CTNNBL1: variants seen among roughly 807,000 people sequenced by gnomAD.
CTNNBL1 encodes the protein catenin beta like 1, also known as beta-catenin-like protein 1.
A neutral mutation model predicts 72.7 loss-of-function variants in CTNNBL1; 31 were observed. The observed-to-expected ratio is 0.43, with a 90% confidence interval of 0.32 to 0.58. CTNNBL1 has a LOEUF of 0.58. Among genes scored for constraint, CTNNBL1 ranks in the 20% least tolerant of loss-of-function variants. The probability of loss-of-function intolerance (pLI) is 0.08; values close to 1 mark genes in which losing one functional copy is unlikely to be tolerated. For missense variants in CTNNBL1, 534 were observed against 725.1 expected, an observed-to-expected ratio of 0.74 and a Z score of 3.03; for synonymous variants, 240 against 267.3, an observed-to-expected ratio of 0.90 and a Z score of 1.00.
At chr20:37,695,247 G>A (rs1470547045) in intron 1 of CTNNBL1, among the ~76,000 whole-genome samples, 3 of 151,982 alleles carry the variant, frequency 2.0e-5, no homozygotes, top group East Asian at 3.9e-4. Context: ...TTGCTCTGTC[G>A]CCCATGCTGG....
intron 3 of CTNNBL1, among the ~76,000 whole-genome samples, chr20:37,742,848 G>T (rs905606821): frequency 2.0e-5 from 3 of 152,120 alleles, no homozygotes; most frequent in African/African-American, 7.2e-5. Context: ...GCATTGCCGA[G>T]GCTGGAGTGC....
At chr20:37,785,387 A>G (rs2073663582) in intron 10 of CTNNBL1, among the ~76,000 whole-genome samples, 1 of 152,226 alleles carries the variant, frequency 6.6e-6, no homozygotes, top group South Asian at 2.1e-4. Context: ...CTTTAAGGCC[A>G]GTAACTATTT....
chr20:37,713,455 T>C (rs563521275), intron 1 of CTNNBL1, among the ~76,000 whole-genome samples: 10 of 152,234 alleles, frequency 6.6e-5, no homozygotes, highest in Non-Finnish European at 1.3e-4. Context: ...GGAAGTCTTA[T>C]TTTAATTAAA....
intron 11 of CTNNBL1, among the ~76,000 whole-genome samples, chr20:37,831,208 C>T (rs1313381947): frequency 6.6e-6 from 1 of 152,176 alleles, no homozygotes; most frequent in African/African-American, 2.4e-5. Context: ...TCAGTTCTGA[C>T]CTCTTAACTT....
chr20:37,741,607 A>T (rs1364946890), intron 3 of CTNNBL1, among the ~76,000 whole-genome samples: 1 of 152,222 alleles, frequency 6.6e-6, no homozygotes, highest in Non-Finnish European at 1.5e-5. Context: ...GAGGCCAGAA[A>T]CTGGGATTAT....
At chr20:37,716,840 C>A (rs917679237) in intron 1 of CTNNBL1, among the ~76,000 whole-genome samples, 1 of 152,226 alleles carries the variant, frequency 6.6e-6, no homozygotes, top group African/African-American at 2.4e-5. Flanking sequence ...GAAAGTTCCA[C>A]GTGCATTCTA....
chr20:37,787,390 G>C (rs1162013011), intron 10 of CTNNBL1, among the ~76,000 whole-genome samples: 1 of 146,806 alleles, frequency 6.8e-6, no homozygotes, highest in Non-Finnish European at 1.5e-5. Context: ...TGTCGCCCAG[G>C]CTGGAGTGCA....
intron 3 of CTNNBL1, among the ~76,000 whole-genome samples, chr20:37,742,868 A>C (rs2073229905): frequency 6.6e-6 from 1 of 152,286 alleles, no homozygotes; most frequent in East Asian, 1.9e-4. Context: ...CAGTGGCACG[A>C]TCTTAGCTCA....
rs559708149 is a variant in CTNNBL1, at chr20:37,753,821, A to G, written c.467-3738A>G. 3.2e-4 allele frequency among the ~76,000 whole-genome samples: 49 copies of G among 152,360 alleles called. No individual in the cohort carries two copies. In the South Asian group the frequency reaches 9.7e-3, roughly 30 times the overall value. On this transcript the variant is annotated intron_variant, in intron 4 of 15. Coordinates refer to ENST00000361383, the MANE Select transcript of CTNNBL1 (RefSeq NM_030877.5). ...ATTACCCTAGTTTTACAGATGAGGA[A>G]ATTAAGCTGTAGGGAAATAAAGGAG...
chr20:37,853,903 A>G (rs1047433967), intron 13 of CTNNBL1, among the ~76,000 whole-genome samples: 2 of 152,258 alleles, frequency 1.3e-5, no homozygotes, highest in Non-Finnish European at 2.9e-5. Context: ...ACAACAGTCA[A>G]CTTCACTGCA....
At chr20:37,734,030 A>G (rs763145061) in intron 2 of CTNNBL1, among the ~76,000 whole-genome samples, 15 of 152,316 alleles carry the variant, frequency 9.8e-5, no homozygotes, top group East Asian at 1.9e-4. Context: ...TTAAGTGTTA[A>G]CTTGTGTGTT....
chr20:37,783,431 A>C (rs1017906437), intron 10 of CTNNBL1, among the ~76,000 whole-genome samples: 1 of 151,652 alleles, frequency 6.6e-6, no homozygotes, highest in Non-Finnish European at 1.5e-5. Flanking sequence ...TTACTTTTCT[A>C]ATTCTTTAAG....
chr20:37,789,818 T>C (rs1351359817), intron 10 of CTNNBL1, among the ~76,000 whole-genome samples: 1 of 152,252 alleles, frequency 6.6e-6, no homozygotes, highest in African/African-American at 2.4e-5. Flanking sequence ...AAAAGAATTA[T>C]ATTGTCAGTT....
intron 13 of CTNNBL1, 151 bp from the exon 14 acceptor site, chr20:37,859,748 G>A: frequency 1.4e-6 from 1 of 709,374 alleles, no homozygotes. Flanking sequence ...ATACTTTAAA[G>A]GGAGATGTAG....
intron 1 of CTNNBL1, among the ~76,000 whole-genome samples, chr20:37,708,208 G>A (rs1003230306): frequency 1.3e-5 from 2 of 151,062 alleles, no homozygotes; most frequent in Non-Finnish European, 2.9e-5. Context: ...TTTTTTGGAG[G>A]TAGAGTCTGG....
intron 11 of CTNNBL1, chr20:37,832,115 T>G (rs889395129): frequency 6.6e-6 from 1 of 152,242 alleles, no homozygotes; most frequent in Non-Finnish European, 1.5e-5. Context: ...TTATTTTAAT[T>G]TATTGTGGGA....
chr20:37,826,286 A>G (rs1244089545), intron 11 of CTNNBL1, among the ~76,000 whole-genome samples: 1 of 152,240 alleles, frequency 6.6e-6, no homozygotes, highest in Non-Finnish European at 1.5e-5. Context: ...TTTAAAATCC[A>G]TAATGCGCTG....
At chr20:37,863,289 A>G (rs2122867863) in intron 15 of CTNNBL1, among the ~76,000 whole-genome samples, 1 of 152,308 alleles carries the variant, frequency 6.6e-6, no homozygotes, top group South Asian at 2.1e-4. Context: ...CGCTCCAGGA[A>G]CTACTCAGCT....
chr20:37,760,553 C>T (rs528818824), intron 5 of CTNNBL1, among the ~76,000 whole-genome samples: 9 of 152,362 alleles, frequency 5.9e-5, no homozygotes, highest in Non-Finnish European at 1.0e-4. Context: ...TGATCCCCGT[C>T]AGGGGAGTGG....
Sources: allele counts gnomAD v4.1 joint callset (sites outside exome capture counted in the v4.1 genomes callset), GRCh38; gene constraint gnomAD v4.1.1; transcripts MANE v1.5; gene names NCBI Gene and HGNC (gene_info 2026-07-23, HGNC 2026-07-21).